The following ANO4 variants were observed in gnomAD, a reference collection of about 807,000 sequenced individuals.
The protein encoded by ANO4 is anoctamin 4, also known as anoctamin-4.
In ANO4, 69 loss-of-function variants were observed where a neutral mutation model predicts 141.9. That is an observed-to-expected ratio of 0.49 (90% CI 0.40 to 0.59). The LOEUF (loss-of-function observed/expected upper bound fraction) is 0.59. Among genes scored for constraint, ANO4 ranks in the 20% least tolerant of loss-of-function variants. The pLI, the probability that ANO4 is intolerant of heterozygous loss-of-function variation, is 0.00. For synonymous variants in ANO4, 350 were observed against 394.3 expected (o/e 0.89, Z 1.33); for missense variants, 894 against 1,162.2 (o/e 0.77, Z 3.36).
intron 7 of ANO4, among the ~76,000 whole-genome samples, chr12:100,982,607 C>T (rs961252838): frequency 6.6e-6 from 1 of 152,168 alleles, no homozygotes; most frequent in Non-Finnish European, 1.5e-5. Flanking sequence ...TTTGTGCATC[C>T]AAGGCATTGT....
At chr12:100,975,623 T>TAGAGAGAGGGTTTCACCGTGTTG (rs747243039) in intron 7 of ANO4, among the ~76,000 whole-genome samples, 60 of 151,952 alleles carry the variant, frequency 3.9e-4, no homozygotes, top group Non-Finnish European at 1.9e-4. Context: ...GTATTTTTAG[T>TAGAGAGAGGGTTTCACCGTGTTG]AGAGAGAGGG....
intron 3 of ANO4, among the ~76,000 whole-genome samples, chr12:100,774,109 TA>T (rs2033399702): frequency 6.6e-6 from 1 of 152,290 alleles, no homozygotes; most frequent in Admixed American, 6.5e-5. Flanking sequence ...TCCTCTTATG[TA>T]AAAATTTGCC....
chr12:100,840,742 A>AC (rs2037197949), intron 1 of ANO4, among the ~76,000 whole-genome samples: 1 of 151,944 alleles, frequency 6.6e-6, no homozygotes, highest in African/African-American at 2.4e-5. Context: ...TAACATAGAG[A>AC]CCCCCTCAAA....
intron 18 of ANO4, among the ~76,000 whole-genome samples, chr12:101,095,774 C>T (rs909979026): frequency 1.3e-5 from 2 of 152,084 alleles, no homozygotes; most frequent in Non-Finnish European, 2.9e-5. Flanking sequence ...GAATGTAGCT[C>T]CTGTGAAAGG....
chr12:100,849,018 A>G (rs763750261), intron 1 of ANO4, among the ~76,000 whole-genome samples: 7 of 152,212 alleles, frequency 4.6e-5, no homozygotes, highest in Non-Finnish European at 1.0e-4. Flanking sequence ...TAAGACCTGC[A>G]TCTTTTCCAC....
chr12:100,970,413 A>G (rs2043863610), intron 5 of ANO4, among the ~76,000 whole-genome samples: 1 of 151,826 alleles, frequency 6.6e-6, no homozygotes, highest in Non-Finnish European at 1.5e-5. Context: ...CTCCCTCAAC[A>G]TACCAGGAAG....
At chr12:100,924,168 G>A (rs939566272) in intron 3 of ANO4, among the ~76,000 whole-genome samples, 6 of 151,884 alleles carry the variant, frequency 4.0e-5, no homozygotes, top group Admixed American at 6.6e-5. Flanking sequence ...CAATTTTGGC[G>A]TTTGTTGCCA....
chr12:100,944,451 A>G (rs1032966223), intron 5 of ANO4, among the ~76,000 whole-genome samples: 1 of 152,140 alleles, frequency 6.6e-6, no homozygotes, highest in Admixed American at 6.5e-5. Context: ...AATTATCACT[A>G]TATGGCAAAA....
intron 2 of ANO4, among the ~76,000 whole-genome samples, chr12:100,913,865 G>A (rs989834816): frequency 2.0e-5 from 3 of 152,104 alleles, no homozygotes; most frequent in East Asian, 1.9e-4. Flanking sequence ...TTGTCATTTC[G>A]CAAGGGCAAT....
At chr12:100,904,170 T>C (rs1055292340) in intron 2 of ANO4, among the ~76,000 whole-genome samples, 13 of 152,196 alleles carry the variant, frequency 8.5e-5, no homozygotes, top group South Asian at 2.1e-4. Flanking sequence ...TGTTTTAGAC[T>C]ACTACAATAG....
chr12:100,925,431 G>C (rs2041823585), intron 3 of ANO4, among the ~76,000 whole-genome samples: 1 of 151,566 alleles, frequency 6.6e-6, no homozygotes, highest in South Asian at 2.1e-4. Context: ...TGCGGTGTTT[G>C]GTTTTCTGTT....
chr12:100,767,126 G>T (rs1383528025), intron 3 of ANO4, among the ~76,000 whole-genome samples: 2 of 152,026 alleles, frequency 1.3e-5, no homozygotes, highest in Non-Finnish European at 2.9e-5. Flanking sequence ...CAGCATATAG[G>T]TATATTTTTT....
chr12:101,019,747 C>T (rs2046448765), intron 8 of ANO4, among the ~76,000 whole-genome samples: 1 of 152,146 alleles, frequency 6.6e-6, no homozygotes, highest in African/African-American at 2.4e-5. Context: ...TGAGAAAAAA[C>T]AAGATACAAG....
intron 8 of ANO4, among the ~76,000 whole-genome samples, chr12:100,988,562 G>C (rs1249908812): frequency 1.1e-4 from 16 of 148,588 alleles, no homozygotes; most frequent in Non-Finnish European, 3.0e-5. Context: ...AAAAAAAAAA[G>C]GTTGCTGATT....
intron 24 of ANO4, among the ~76,000 whole-genome samples, chr12:101,112,347 G>T (rs533089219): frequency 6.6e-6 from 1 of 152,084 alleles, no homozygotes; most frequent in Non-Finnish European, 1.5e-5. Flanking sequence ...GCAAAGCCAG[G>T]GCACGCTATA....
chr12:100,963,907 G>C (rs1466321407), intron 5 of ANO4, among the ~76,000 whole-genome samples: 1 of 152,134 alleles, frequency 6.6e-6, no homozygotes, highest in Non-Finnish European at 1.5e-5. Flanking sequence ...CTCACTTATT[G>C]AACCAGTACT....
At chr12:101,125,809 G>A (rs1202987190) in intron 26 of ANO4, among the ~76,000 whole-genome samples, 32 of 152,130 alleles carry the variant, frequency 2.1e-4, no homozygotes, top group Admixed American at 2.1e-3. Context: ...ATTGTATTGA[G>A]GCTTTTTGCA....
intron 2 of ANO4, chr12:100,733,957 A>C: frequency 1.7e-6 from 1 of 605,452 alleles, no homozygotes; most frequent in South Asian, 1.9e-5. Flanking sequence ...AGAAAATATA[A>C]ATGCATAGGC....
chr12:101,068,229 C>T lies in ANO4; in HGVS notation c.1313-10964C>T, dbSNP rs2048671565. On this transcript the variant is annotated intron_variant, in intron 14 of 27. Coordinates refer to ENST00000392977, the MANE Select transcript of ANO4 (RefSeq NM_001286615.2). ...GGACCAGCAAGAGTAGAACGAGGCA[C>T]CAGCTAGAAAACATCGCTTCTGGGA... 5.1e-6 allele frequency: 7 copies of T among 1,386,104 alleles called. No individual in the cohort carries two copies. The South Asian group carries it at 5.7e-5, about 11-fold the overall frequency. The allele number at this position is 1,386,104 out of a possible 1,614,324, so 85.9% of individuals were successfully genotyped here.
Sources: gnomAD v4.1 joint callset for allele counts (sites outside exome capture counted in the v4.1 genomes callset) on GRCh38, gnomAD v4.1.1 for gene constraint, MANE v1.5 for transcripts, NCBI Gene and HGNC (gene_info 2026-07-23, HGNC 2026-07-21) for gene names.